LFNG: variants seen among roughly 807,000 people sequenced by gnomAD.
LFNG encodes the protein beta-1,3-N-acetylglucosaminyltransferase lunatic fringe.
Under a neutral mutation model 32.7 loss-of-function variants are expected in LFNG, and 15 were observed. The observed-to-expected ratio is 0.46, with a 90% CI of 0.31 to 0.71. The LOEUF (loss-of-function observed/expected upper bound fraction) is 0.71. Among genes scored for constraint, LFNG ranks in the 30% least tolerant of loss-of-function variants. LFNG has a pLI of 0.06. For missense variants in LFNG, 520 were observed against 545.7 expected (o/e 0.95, Z 0.47); for synonymous variants, 274 against 246.8 (o/e 1.11, Z -1.03).
Position 2,527,249 on chromosome 7 carries a change from G to C in LFNG, c.*37G>C. ...GAGACCCAATCCCTGGGCGCCCCTG[G>C]TATCCAAAGGGCCCAGGGACCCTGT... On this transcript the variant is annotated 3_prime_UTR_variant, in exon 8 of 8. Transcript: ENST00000222725. This position sits in a 1 kb window ranked among gnomAD's most constrained non-coding sequence, Gnocchi z 4.4. 1 of 1,607,884 alleles carries C rather than the reference G, an allele frequency of 6.2e-7. No individual in the cohort carries two copies. The highest frequency in any genetic ancestry group is 8.5e-7 in the Non-Finnish European group (1 of 1,179,100).
At chr7:2,524,594 C>A in intron 1 of LFNG, 101 bp from the exon 2 acceptor site, 2 of 1,111,226 alleles carry the variant, frequency 1.8e-6, no homozygotes, top group East Asian at 2.6e-5. Context: ...TGTGACGCAG[C>A]TGCAGCTGCA....
rs539497226 is a variant in LFNG at position 2,527,034 on chromosome 7, C to T, written c.1074-112C>T. On this transcript the variant is annotated intron_variant, in intron 7 of 7. Coordinates refer to ENST00000222725, the MANE Select transcript of LFNG (RefSeq NM_001040167.2). This position sits in a 1 kb window ranked among gnomAD's most constrained non-coding sequence, Gnocchi z 4.4. ...GCGGCATGACTCTACATAGAGGTGT[C>T]CCCCGGAGTCCTGCTTGCTCGGGGT... 2.1e-6 allele frequency: 3 copies of T among 1,401,428 alleles called. No homozygotes were observed. Among genetic ancestry groups the T allele is most frequent in the Admixed American group, 1.8e-5 (1 of 55,250 alleles). The allele number at this position is 1,401,428 out of a possible 1,614,324, so 86.8% of individuals were successfully genotyped here.
chr7:2,514,987 C>T (rs566050730), upstream of LFNG, among the ~76,000 whole-genome samples: 4 of 151,328 alleles, frequency 2.6e-5, no homozygotes, highest in Non-Finnish European at 4.4e-5. Flanking sequence ...TCCATCCATC[C>T]GTCCGTCCAT....
intron 1 of LFNG, among the ~76,000 whole-genome samples, chr7:2,521,836 C>T (rs569742264): frequency 2.0e-5 from 3 of 152,250 alleles, no homozygotes; most frequent in East Asian, 1.9e-4. Flanking sequence ...TCCAGGAGCA[C>T]GTTGTAAGAG....
upstream of LFNG, among the ~76,000 whole-genome samples, chr7:2,516,430 C>T (rs961925339): frequency 2.0e-5 from 3 of 152,236 alleles, no homozygotes; most frequent in Non-Finnish European, 4.4e-5. Context: ...CACCTCAAAG[C>T]CAGCCCCGAG....
Position 2,525,564 on chromosome 7 carries a change from G to A in LFNG, c.732G>A (p.Lys244=), listed in dbSNP as rs1184869052. The A allele has an allele frequency of 6.2e-7, 1 of 1,612,342 alleles. No homozygotes were observed. The highest frequency in any genetic ancestry group is 8.5e-7 in the Non-Finnish European group (1 of 1,179,786). Residue 244 remains lysine, a synonymous_variant, in exon 4 of 8, where the codon AAG becomes AAA. Coordinates refer to ENST00000222725, the MANE Select transcript of LFNG (RefSeq NM_001040167.2). The part of the protein sequence containing the change: ...IQAMERVSEN[K]VRPVHFWFAT... Reference sequence around the variant, plus strand: ...CCATGGAGCGGGTCAGCGAGAACAAGGTGGTGAGTGCCTGCCCCTCCCAGT... The same window carrying A: ...CCATGGAGCGGGTCAGCGAGAACAAAGTGGTGAGTGCCTGCCCCTCCCAGT...
rs201724400 is a variant in LFNG at position 2,525,714 on chromosome 7, C to A, written c.765C>A (p.Gly255=). 1.2e-6 allele frequency: 2 copies of A among 1,613,034 alleles called. No individual in the cohort carries two copies. Among genetic ancestry groups the A allele is most frequent in the Non-Finnish European group, 8.5e-7 (1 of 1,180,008 alleles). ...CTGTCCACTTCTGGTTTGCCACGGG[C>A]GGCGCTGGCTTCTGCATCAGCCGTG... is the stretch of plus-strand genomic sequence containing the variant. ...VRPVHFWFAT[G]GAGFCISRGL... The change falls in exon 5 of 8, where the codon GGC becomes GGA. Residue 255 remains glycine (G), a synonymous_variant. Transcript: ENST00000222725.
At chr7:2,525,639 G>A in intron 4 of LFNG, 46 bp from the exon 5 acceptor site, 1 of 1,612,086 alleles carries the variant, frequency 6.2e-7, no homozygotes, top group Non-Finnish European at 8.5e-7. Flanking sequence ...GGGACCGTGA[G>A]GGGCAGCAGC....
upstream of LFNG, chr7:2,517,886 G>C: frequency 8.5e-7 from 1 of 1,177,594 alleles, no homozygotes; most frequent in Non-Finnish European, 1.1e-6. Flanking sequence ...CTTTGTGTGG[G>C]TGTGTGAGTG....
Position 2,526,840 on chromosome 7 carries a change from C to T in LFNG, c.992C>T (p.Thr331Met). 2 of 1,612,462 alleles carry T rather than the reference C, an allele frequency of 1.2e-6. No individual in the cohort carries two copies. Among genetic ancestry groups the T allele is most frequent in the Non-Finnish European group, 8.5e-7 (1 of 1,179,868 alleles). Residue 331 changes from threonine (T) to methionine (M), a missense_variant, in exon 7 of 8, where the codon ACG (threonine) becomes ATG (methionine). Physicochemically the swap from Thr to Met is moderately conservative, Grantham distance 81. Coordinates refer to ENST00000222725, the MANE Select transcript of LFNG (RefSeq NM_001040167.2). This position sits in a 1 kb window ranked among gnomAD's most constrained non-coding sequence, Gnocchi z 6.9. The stretch of plus-strand genomic sequence containing the variant: ...CACTCCGCCCGCTCCCCACAGGTGA[C>T]GCTGAGCTACGGTATGTTTGAAAAC... ...VPTSELHEQV[T>M]LSYGMFENKR...
At chr7:2,513,434 A>G, upstream of LFNG, 1 of 1,264,538 alleles carries the variant, frequency 7.9e-7, no homozygotes, top group Non-Finnish European at 1.1e-6. Context: ...TTCAAGGGGG[A>G]AAGATGGCCC....
At position 2,519,891 on chromosome 7, in the gene LFNG, G is replaced by C; in HGVS notation, c.30G>C (p.Leu10=). MLKRCGRRL[L]LALAGALLAC... ...TCAAGCGCTGCGGCCGGCGCCTGCT[G>C]CTGGCGCTGGCGGGCGCGCTGCTCG... is the stretch of plus-strand genomic sequence containing the variant. The change falls in exon 1 of 8, where the codon CTG becomes CTC. Residue 10 remains leucine, a synonymous_variant. Coordinates refer to ENST00000222725, the MANE Select transcript of LFNG (RefSeq NM_001040167.2). 2 of 1,103,668 alleles carry C rather than the reference G, an allele frequency of 1.8e-6. No homozygotes were observed. Among genetic ancestry groups the C allele is most frequent in the Non-Finnish European group, 2.2e-6 (2 of 901,532 alleles). 68.4% of individuals were successfully genotyped at this position (1,103,668 alleles called of 1,614,324 possible). A position where few individuals can be genotyped will look rare whatever the true frequency, so the allele number is the denominator to read the frequency against.
In LFNG at chr7:2,526,135, A is replaced by G; in HGVS notation, c.822-109A>G. 8.4e-7 allele frequency: 1 copy of G among 1,185,612 alleles called. No individual in the cohort carries two copies. Among genetic ancestry groups the G allele is most frequent in the Non-Finnish European group, 1.2e-6 (1 of 823,968 alleles). 73.4% of individuals were successfully genotyped at this position (1,185,612 alleles called of 1,614,324 possible). ...GGAGCTGCAGCCCAGAGCTCTCCTC[A>G]GGGCTCCTCTCCCTGAGGAGTGCAG... On this transcript the variant is annotated intron_variant, in intron 5 of 7. Coordinates refer to ENST00000222725, the MANE Select transcript of LFNG (RefSeq NM_001040167.2). The surrounding 1 kb of genome is among the most constrained non-coding windows in gnomAD (Gnocchi z 6.9).
At chr7:2,515,142 C>T (rs141845606), upstream of LFNG, among the ~76,000 whole-genome samples, 33 of 152,180 alleles carry the variant, frequency 2.2e-4, no homozygotes, top group African/African-American at 7.9e-4. Flanking sequence ...AACTGTTCAT[C>T]CATCCACCTT....
rs942372043 is a variant in LFNG, at chr7:2,526,175, G to A, written c.822-69G>A. 2 of 1,567,490 alleles carry A rather than the reference G, an allele frequency of 1.3e-6. No individual in the cohort carries two copies. Among genetic ancestry groups the A allele is most frequent in the East Asian group, 2.2e-5 (1 of 44,568 alleles). Reference sequence around the variant, plus strand: ...GAGGAGTGCAGCGCCTTTGCCTGGTGGGGCCTCCCCAGCTCCCAGCAGATG... The same window carrying A: ...GAGGAGTGCAGCGCCTTTGCCTGGTAGGGCCTCCCCAGCTCCCAGCAGATG... On this transcript the variant is annotated intron_variant, in intron 5 of 7. Transcript: ENST00000222725. The surrounding 1 kb of genome is among the most constrained non-coding windows in gnomAD (Gnocchi z 6.9).
upstream of LFNG, among the ~76,000 whole-genome samples, chr7:2,513,600 C>T (rs540657838): frequency 2.0e-5 from 3 of 152,196 alleles, no homozygotes; most frequent in Admixed American, 6.5e-5. Flanking sequence ...CTGACATGGG[C>T]ACGGGGTCAT....
chr7:2,526,426 GC>G lies in LFNG; in HGVS notation c.987+21del. On this transcript the variant is annotated intron_variant, in intron 6 of 7. Transcript: ENST00000222725. This position sits in a 1 kb window ranked among gnomAD's most constrained non-coding sequence, Gnocchi z 6.9. ...CACGAGCAGGTGCACCATCCTCCGG[GC>G]CCCGCCAGGACTCCGAGAGCACAGG... 6.2e-7 allele frequency: 1 copy of G among 1,603,882 alleles called. No homozygotes were observed. The highest frequency in any genetic ancestry group is 8.5e-7 in the Non-Finnish European group (1 of 1,179,796).
At position 2,527,326 on chromosome 7, in the gene LFNG, G is replaced by C. The variant is rs7457877; in HGVS notation, c.*114G>C. 6.3e-5 allele frequency: 96 copies of C among 1,519,496 alleles called. No individual in the cohort carries two copies. The highest frequency in any genetic ancestry group is 8.2e-5 in the Non-Finnish European group (93 of 1,138,414). The allele number at this position is 1,519,496 out of a possible 1,614,324, so 94.1% of individuals were successfully genotyped here. A position where few individuals can be genotyped will look rare whatever the true frequency, so the allele number is the denominator to read the frequency against. On this transcript the variant is annotated 3_prime_UTR_variant, in exon 8 of 8. Coordinates refer to ENST00000222725, the MANE Select transcript of LFNG (RefSeq NM_001040167.2). The surrounding 1 kb of genome is among the most constrained non-coding windows in gnomAD (Gnocchi z 4.4). ...GGCTCCCCTAGGGCCGTGCCTGTGC[G>C]TGTGCGTGTGCGTGTGTGTGTGTGT...
intron 1 of LFNG, chr7:2,512,816 C>T (rs1779525696): frequency 1.1e-6 from 1 of 908,182 alleles, no homozygotes; most frequent in Admixed American, 2.0e-5. Context: ...CACCTAGATC[C>T]TCAGGCTTCT....
Sources: gnomAD v4.1 joint callset for allele counts (sites outside exome capture counted in the v4.1 genomes callset) on GRCh38, gnomAD v4.1.1 for gene constraint, Gnocchi (gnomAD v3.1) non-coding constraint, MANE v1.5 for transcripts, NCBI Gene and HGNC (gene_info 2026-07-23, HGNC 2026-07-21) for gene names.